LRMDA: variants seen among roughly 807,000 people sequenced by gnomAD.
LRMDA encodes leucine rich melanocyte differentiation associated, also known as leucine-rich melanocyte differentiation-associated protein.
LRMDA carries 18 observed loss-of-function variants against 29.8 expected under a neutral mutation model. The observed-to-expected ratio is 0.60, with a 90% CI of 0.42 to 0.90. LRMDA has a LOEUF of 0.90. LRMDA is among the 40% of genes least tolerant of loss of function. The pLI is 0.00. For missense variants in LRMDA, 273 were observed against 273.9 expected, an observed-to-expected ratio of 1.00 and a Z score of 0.02; for synonymous variants, 125 against 109.4, an observed-to-expected ratio of 1.14 and a Z score of -0.89.
intron 6 of LRMDA, among the ~76,000 whole-genome samples, chr10:76,398,561 T>A (rs968018536): frequency 6.6e-6 from 1 of 152,214 alleles, no homozygotes; most frequent in East Asian, 1.9e-4. Context: ...CCTCTGCTGA[T>A]TGGGCCAGAA....
At chr10:76,263,963 A>T (rs940960221) in intron 5 of LRMDA, among the ~76,000 whole-genome samples, 4 of 152,192 alleles carry the variant, frequency 2.6e-5, no homozygotes, top group African/African-American at 9.6e-5. Flanking sequence ...ATTCGTAGGT[A>T]ATCTTGCAAG....
intron 5 of LRMDA, among the ~76,000 whole-genome samples, chr10:76,071,731 T>C (rs538433074): frequency 6.6e-6 from 1 of 152,334 alleles, no homozygotes; most frequent in South Asian, 2.1e-4. Context: ...TCTTATGCAG[T>C]AAAATTAAGA....
intron 2 of LRMDA, among the ~76,000 whole-genome samples, chr10:76,021,098 A>G (rs549507343): frequency 2.0e-3 from 301 of 152,368 alleles, no homozygotes; most frequent in Non-Finnish European, 3.6e-3. Context: ...ATTGTCAAGG[A>G]GACAAGAGTA....
intron 2 of LRMDA, among the ~76,000 whole-genome samples, chr10:75,657,983 T>A (rs1841699834): frequency 6.6e-6 from 1 of 152,120 alleles, no homozygotes; most frequent in East Asian, 1.9e-4. Flanking sequence ...GAGCTGGGAA[T>A]GTGGACCCTG....
chr10:75,471,953 C>T (rs1844732273), intron 2 of LRMDA, among the ~76,000 whole-genome samples: 1 of 152,172 alleles, frequency 6.6e-6, no homozygotes, highest in South Asian at 2.1e-4. Flanking sequence ...TGGTTCAAGA[C>T]ATACTTCTTT....
At chr10:75,659,207 G>T (rs1261276690) in intron 2 of LRMDA, among the ~76,000 whole-genome samples, 1 of 152,208 alleles carries the variant, frequency 6.6e-6, no homozygotes, top group Non-Finnish European at 1.5e-5. Flanking sequence ...GGGAGTTCAA[G>T]AACCGAAATT....
At chr10:75,727,148 A>G (rs956044497) in intron 2 of LRMDA, among the ~76,000 whole-genome samples, 2 of 152,114 alleles carry the variant, frequency 1.3e-5, no homozygotes, top group Non-Finnish European at 2.9e-5. Context: ...TTCGGGTTCT[A>G]GCTTGCTTCT....
intron 6 of LRMDA, among the ~76,000 whole-genome samples, chr10:76,508,902 T>C (rs1842983705): frequency 6.6e-6 from 1 of 152,200 alleles, no homozygotes; most frequent in Admixed American, 6.5e-5. Flanking sequence ...GTCTAAAGTT[T>C]GGTCTCCAGT....
chr10:76,353,404 T>C (rs2132434903), intron 6 of LRMDA, among the ~76,000 whole-genome samples: 1 of 152,030 alleles, frequency 6.6e-6, no homozygotes, highest in African/African-American at 2.4e-5. Context: ...TTACAATGGT[T>C]CTTAAACTTG....
chr10:75,450,008 T>C (rs1844441827), intron 2 of LRMDA: 1 of 152,200 alleles, frequency 6.6e-6, no homozygotes, highest in Non-Finnish European at 1.5e-5. Flanking sequence ...TCAGGGACTG[T>C]AGTGTTGGTG....
At chr10:75,997,824 T>G (rs1847496919) in intron 2 of LRMDA, among the ~76,000 whole-genome samples, 1 of 152,206 alleles carries the variant, frequency 6.6e-6, no homozygotes, top group Non-Finnish European at 1.5e-5. Flanking sequence ...GTGATACTGA[T>G]GGAGATTAAC....
chr10:75,911,342 G>T (rs146280375), intron 2 of LRMDA, among the ~76,000 whole-genome samples: 2 of 152,120 alleles, frequency 1.3e-5, no homozygotes, highest in African/African-American at 4.8e-5. Flanking sequence ...GGCATGGGGG[G>T]AGCACAGAAG....
chr10:76,108,065 A>G (rs1849516458), intron 5 of LRMDA, among the ~76,000 whole-genome samples: 1 of 152,222 alleles, frequency 6.6e-6, no homozygotes, highest in South Asian at 2.1e-4. Context: ...AACAGAAATT[A>G]GGGAAGTAAG....
Position 75,727,069 on chromosome 10 carries a change from TG to T in LRMDA, c.131+288576del, listed in dbSNP as rs573157941. Among the ~76,000 whole-genome samples, 760 of 152,354 alleles carry T rather than the reference TG, an allele frequency of 5.0e-3. 8 individuals carry two copies. The highest frequency in any genetic ancestry group is 0.017 in the African/African-American group (715 of 41,592). ...GGTCACTGGTTAATTTTGCATTGTG[TG>T]TGGCCTGTTTCGCTAGCTTTAGCTG... On this transcript the variant is annotated intron_variant, in intron 2 of 6. Coordinates refer to ENST00000611255, the MANE Select transcript of LRMDA (RefSeq NM_001305581.2).
At chr10:76,483,259 CTATT>C (rs924976348) in intron 6 of LRMDA, among the ~76,000 whole-genome samples, 3 of 151,854 alleles carry the variant, frequency 2.0e-5, no homozygotes, top group Non-Finnish European at 4.4e-5. Flanking sequence ...TTTTAATTAT[CTATT>C]TAAGAAATAT....
At chr10:75,743,475 G>A (rs1842855008) in intron 2 of LRMDA, 1 of 152,104 alleles carries the variant, frequency 6.6e-6, no homozygotes, top group Non-Finnish European at 1.5e-5. Context: ...GTCTGCATTT[G>A]TGGAAATCTG....
chr10:76,100,271 C>T (rs957941829), intron 5 of LRMDA, among the ~76,000 whole-genome samples: 2 of 151,868 alleles, frequency 1.3e-5, no homozygotes, highest in Admixed American at 6.6e-5. Context: ...GTTAGGCACA[C>T]AGACATATTG....
chr10:75,695,980 C>T (rs562970016), intron 2 of LRMDA, among the ~76,000 whole-genome samples: 21 of 151,614 alleles, frequency 1.4e-4, no homozygotes, highest in Non-Finnish European at 2.8e-4. Flanking sequence ...AGGTATATTC[C>T]GGGTATATGG....
intron 6 of LRMDA, among the ~76,000 whole-genome samples, chr10:76,368,523 A>G (rs572750887): frequency 2.6e-5 from 4 of 152,306 alleles, no homozygotes; most frequent in Admixed American, 6.5e-5. Context: ...GGTCTGTCAT[A>G]TGGTCTATCT....
Sources: allele counts gnomAD v4.1 joint callset (sites outside exome capture counted in the v4.1 genomes callset), GRCh38; gene constraint gnomAD v4.1.1; transcripts MANE v1.5; gene names NCBI Gene and HGNC (gene_info 2026-07-23, HGNC 2026-07-21).